The following SPPL2A variants were observed in gnomAD, a reference collection of about 807,000 sequenced individuals.
SPPL2A encodes signal peptide peptidase like 2A, also known as signal peptide peptidase-like 2A.
In SPPL2A, 51 loss-of-function variants were observed where a neutral mutation model predicts 63.8. That is an observed-to-expected ratio of 0.80 (90% CI 0.64 to 1.01). The LOEUF is 1.01. SPPL2A is among the 50% of genes least tolerant of loss of function. SPPL2A has a pLI of 0.00. For missense variants in SPPL2A, 553 were observed against 622.7 expected (o/e 0.89, Z 1.19); for synonymous variants, 188 against 205.8 (o/e 0.91, Z 0.74).
chr15:50,722,512 A>AGT (rs2062656587), intron 12 of SPPL2A, among the ~76,000 whole-genome samples: 1 of 151,982 alleles, frequency 6.6e-6, no homozygotes, highest in Non-Finnish European at 1.5e-5. Flanking sequence ...GATGGAGTGC[A>AGT]GTGGCGCGAT....
chr15:50,721,343 GC>G (rs2062644881), intron 13 of SPPL2A, among the ~76,000 whole-genome samples: 1 of 152,016 alleles, frequency 6.6e-6, no homozygotes, highest in Non-Finnish European at 1.5e-5. Flanking sequence ...CAGCCACTGT[GC>G]CCAGCTGAGA....
chr15:50,748,973 A>G (rs2062882936), intron 2 of SPPL2A, 103 bp from the exon 3 acceptor site: 6 of 619,132 alleles, frequency 9.7e-6, no homozygotes, highest in Middle Eastern at 9.2e-4. Context: ...GTTTAAGACA[A>G]TATCTTTTGA....
chr15:50,717,869 T>C (rs987500951), intron 14 of SPPL2A, among the ~76,000 whole-genome samples: 1 of 151,992 alleles, frequency 6.6e-6, no homozygotes, highest in African/African-American at 2.4e-5. Context: ...GCACTGGATA[T>C]CCCATCTATA....
chr15:50,726,118 T>C, intron 11 of SPPL2A: 1 of 1,515,362 alleles, frequency 6.6e-7, no homozygotes. Flanking sequence ...CCACCAAGTT[T>C]CCATCATTCT....
At position 50,704,586 on chromosome 15, in the gene SPPL2A, A is replaced by G. The variant is rs2062496486; in HGVS notation, c.*3214T>C. 1 of 151,800 alleles carries G rather than the reference A, an allele frequency of 6.6e-6. No homozygotes were observed. Among genetic ancestry groups the G allele is most frequent in the South Asian group, 2.1e-4 (1 of 4,828 alleles). 9.4% of individuals were successfully genotyped at this position (151,800 alleles called of 1,614,324 possible). On this transcript the variant is annotated 3_prime_UTR_variant, in exon 15 of 15. Transcript: ENST00000261854. Reference sequence around the variant, plus strand: ...TACAGTGTATCATTATTTTAAAGACATGTTTAGGGAAAAAACCAGCTTCTC... The same window carrying G: ...TACAGTGTATCATTATTTTAAAGACGTGTTTAGGGAAAAAACCAGCTTCTC...
intron 1 of SPPL2A, among the ~76,000 whole-genome samples, chr15:50,752,830 C>T (rs915568284): frequency 6.6e-6 from 1 of 151,968 alleles, no homozygotes; most frequent in Middle Eastern, 3.2e-3. Flanking sequence ...ACATCCAGAT[C>T]CAGCCATTCC....
intron 11 of SPPL2A, 177 bp from the exon 12 acceptor site, chr15:50,725,500 C>A (rs1409553660): frequency 6.7e-6 from 3 of 449,850 alleles, no homozygotes; most frequent in Non-Finnish European, 7.9e-6. Context: ...CTCACTGCAA[C>A]TGCAACTGCA....
chr15:50,757,850 G>A (rs2062973630), intron 1 of SPPL2A, among the ~76,000 whole-genome samples: 2 of 151,992 alleles, frequency 1.3e-5, no homozygotes, highest in South Asian at 2.1e-4. Context: ...CAGGCATGGT[G>A]GCAGGCGCCT....
chr15:50,736,674 A>G lies in SPPL2A; in HGVS notation c.800T>C (p.Leu267Pro), dbSNP rs976244891. ...AMSLYNCLAA[L>P]IHKIPYGQCT... ...TTGTCCATATGGTATCTTATGAATT[A>G]GTGCAGCAAGACAGTTGTACAGACT... is the stretch of plus-strand genomic sequence containing the variant. Residue 267 changes from leucine to proline, a missense_variant, in exon 7 of 15, where the codon CTA (leucine) becomes CCA (proline). Physicochemically the swap from Leu to Pro is moderately conservative, Grantham distance 98. Coordinates refer to ENST00000261854, the MANE Select transcript of SPPL2A (RefSeq NM_032802.4). 16 of 1,603,822 alleles carry G rather than the reference A, an allele frequency of 1.0e-5. No individual in the cohort carries two copies. Among genetic ancestry groups the G allele is most frequent in the Non-Finnish European group, 1.2e-5 (14 of 1,171,260 alleles).
At chr15:50,720,305 A>G (rs2062634906) in intron 13 of SPPL2A, among the ~76,000 whole-genome samples, 1 of 152,192 alleles carries the variant, frequency 6.6e-6, no homozygotes, top group Non-Finnish European at 1.5e-5. Flanking sequence ...TTAGCATTTC[A>G]ATTATTACTA....
chr15:50,714,174 T>G (rs1463304482), intron 14 of SPPL2A, among the ~76,000 whole-genome samples: 6 of 152,216 alleles, frequency 3.9e-5, no homozygotes, highest in African/African-American at 1.4e-4. Flanking sequence ...TTGGCCTATG[T>G]TTTTATACGC....
intron 12 of SPPL2A, among the ~76,000 whole-genome samples, chr15:50,722,519 C>T (rs12913259): frequency 0.25 from 37,761 of 151,872 alleles, 5,680 homozygotes; most frequent in East Asian, 0.55. Flanking sequence ...TGCAGTGGCG[C>T]GATCTCGGTT....
At position 50,706,551 on chromosome 15, in the gene SPPL2A, C is replaced by T. The variant is rs2062511256; in HGVS notation, c.*1249G>A. 1.3e-5 allele frequency: 2 copies of T among 151,940 alleles called. No homozygotes were observed. The highest frequency in any genetic ancestry group is 4.2e-4 in the South Asian group (2 of 4,802). 9.4% of individuals were successfully genotyped at this position (151,940 alleles called of 1,614,324 possible). On this transcript the variant is annotated 3_prime_UTR_variant, in exon 15 of 15. Coordinates refer to ENST00000261854, the MANE Select transcript of SPPL2A (RefSeq NM_032802.4). ...TGAACCGCACTTTGTACATCCTCCA[C>T]CAAGATTAAGAATCATTACCTATGG...
At chr15:50,709,745 G>A (rs554136603) in intron 14 of SPPL2A, among the ~76,000 whole-genome samples, 1 of 151,778 alleles carries the variant, frequency 6.6e-6, no homozygotes, top group Non-Finnish European at 1.5e-5. Flanking sequence ...ACCCAAGATC[G>A]CGCCACTGCA....
rs151306832 is a variant in SPPL2A at position 50,706,925 on chromosome 15, G to A, written c.*875C>T. On this transcript the variant is annotated 3_prime_UTR_variant, in exon 15 of 15. Coordinates refer to ENST00000261854, the MANE Select transcript of SPPL2A (RefSeq NM_032802.4). Reference sequence around the variant, plus strand: ...GAAAAATGTTCTTAATATAATACACGTGCAGTCTGAAGTAATTTCAGTTCT... The same window carrying A: ...GAAAAATGTTCTTAATATAATACACATGCAGTCTGAAGTAATTTCAGTTCT... 2 of 151,748 alleles carry A rather than the reference G, an allele frequency of 1.3e-5. No individual in the cohort carries two copies. The highest frequency in any genetic ancestry group is 2.4e-5 in the African/African-American group (1 of 41,238). The allele number at this position is 151,748 out of a possible 1,614,324, so 9.4% of individuals were successfully genotyped here.
chr15:50,750,477 C>T (rs1400910603), intron 1 of SPPL2A, among the ~76,000 whole-genome samples: 1 of 152,152 alleles, frequency 6.6e-6, no homozygotes, highest in African/African-American at 2.4e-5. Context: ...AAAAAAAGTA[C>T]ATTATCATTT....
chr15:50,729,452 T>A (rs1379041122), intron 10 of SPPL2A, among the ~76,000 whole-genome samples: 1 of 152,146 alleles, frequency 6.6e-6, no homozygotes, highest in African/African-American at 2.4e-5. Context: ...AAACCCCATC[T>A]CTACAAAAAA....
rs1255267745 is a variant in SPPL2A, at chr15:50,748,888, C to T, written c.178-18G>A. 1 of 1,509,366 alleles carries T rather than the reference C, an allele frequency of 6.6e-7. No individual in the cohort carries two copies. The highest frequency in any genetic ancestry group is 1.4e-5 in the African/African-American group (1 of 70,026). The allele number at this position is 1,509,366 out of a possible 1,614,324, so 93.5% of individuals were successfully genotyped here. A position where few individuals can be genotyped will look rare whatever the true frequency, so the allele number is the denominator to read the frequency against. ...ATGGAAGTCTGAAAATAAGAAATGTCTTTTTAACATGTTAAAAATCTATTT... is the reference window on the plus strand; with the variant it reads ...ATGGAAGTCTGAAAATAAGAAATGTTTTTTTAACATGTTAAAAATCTATTT... On this transcript the variant is annotated intron_variant, in intron 2 of 14. Transcript: ENST00000261854.
chr15:50,730,083 T>A (rs2062719322), intron 10 of SPPL2A, among the ~76,000 whole-genome samples: 1 of 151,978 alleles, frequency 6.6e-6, no homozygotes, highest in Admixed American at 6.6e-5. Flanking sequence ...TAATATAAAG[T>A]TACAAAGCAA....
Sources: gnomAD v4.1 joint callset for allele counts (sites outside exome capture counted in the v4.1 genomes callset) on GRCh38, gnomAD v4.1.1 for gene constraint, MANE v1.5 for transcripts, NCBI Gene and HGNC (gene_info 2026-07-23, HGNC 2026-07-21) for gene names.